The following KAZN variants were observed in gnomAD, a reference collection of about 807,000 sequenced individuals.
KAZN encodes the protein kazrin.
KAZN carries 40 observed loss-of-function variants against 87.4 expected under a neutral mutation model. The ratio of observed to expected loss-of-function variants is 0.46; its 90% CI spans 0.36 to 0.60. The LOEUF (loss-of-function observed/expected upper bound fraction) is 0.60. KAZN is among the 20% of genes least tolerant of loss of function. KAZN has a pLI of 0.00. For missense variants in KAZN, 898 were observed against 1,073.9 expected, an observed-to-expected ratio of 0.84 and a Z score of 2.29; for synonymous variants, 466 against 458.3, an observed-to-expected ratio of 1.02 and a Z score of -0.22.
intron 7 of KAZN, among the ~76,000 whole-genome samples, chr1:15,064,696 C>T (rs969124019): frequency 1.3e-5 from 2 of 152,334 alleles, no homozygotes; most frequent in Non-Finnish European, 2.9e-5. Context: ...GGGCAAGTAC[C>T]AAGCCATTGC....
intron 4 of KAZN, among the ~76,000 whole-genome samples, chr1:15,048,803 AG>A (rs1673951721): frequency 1.0e-4 from 7 of 68,416 alleles, no homozygotes; most frequent in African/African-American, 1.8e-4. Flanking sequence ...ATTGGTCCTG[AG>A]TCGTTGGTCC....
intron 2 of KAZN, among the ~76,000 whole-genome samples, chr1:14,985,245 TGGTGGGAGGCCAAGGTGGGAGGCCAA>T (rs67978474): frequency 0.023 from 3,237 of 142,432 alleles, 47 homozygotes; most frequent in East Asian, 0.044. Context: ...CCCAGAACTT[TGGTGGGAGGCCAAGGTGGGAGGCCAA>T]GGTGGGAGGC....
At chr1:14,868,748 G>A (rs1651809935) in intron 1 of KAZN, among the ~76,000 whole-genome samples, 1 of 151,910 alleles carries the variant, frequency 6.6e-6, no homozygotes, top group Non-Finnish European at 1.5e-5. Context: ...GGAGGCTGGG[G>A]TGGGGGGATC....
In KAZN at chr1:14,287,687, A is replaced by G. The variant is rs1302354133; in HGVS notation, c.249+107095A>G. ...TACCCTTTATTTCTTTCTCTTGCTG[A>G]TTGCCCTGGCCAGAACTTCCAACAC... On this transcript the variant is annotated intron_variant, in intron 2 of 16. Coordinates refer to the KAZN transcript ENST00000636203. 2.6e-5 allele frequency among the ~76,000 whole-genome samples: 4 copies of G among 152,230 alleles called. No individual in the cohort carries two copies. The East Asian group carries it at 7.7e-4, about 29-fold the overall frequency.
At chr1:14,610,331 C>T (rs933007809) in intron 1 of KAZN, among the ~76,000 whole-genome samples, 1 of 152,160 alleles carries the variant, frequency 6.6e-6, no homozygotes, top group African/African-American at 2.4e-5. Context: ...CCTCAGCCTC[C>T]CGAGTAGCTG....
intron 2 of KAZN, among the ~76,000 whole-genome samples, chr1:14,404,093 A>G (rs1167648436): frequency 6.6e-6 from 1 of 152,172 alleles, no homozygotes; most frequent in Non-Finnish European, 1.5e-5. Context: ...GGTTATGACT[A>G]GGTGTGCCGT....
chr1:14,024,935 CAA>C (rs776220771), intron 1 of KAZN, among the ~76,000 whole-genome samples: 12 of 152,152 alleles, frequency 7.9e-5, no homozygotes, highest in Non-Finnish European at 1.5e-4. Flanking sequence ...GCCAAGAATC[CAA>C]AGAGGCAGGA....
At chr1:14,450,045 C>G (rs1053708089) in intron 2 of KAZN, among the ~76,000 whole-genome samples, 1 of 152,040 alleles carries the variant, frequency 6.6e-6, no homozygotes, top group Admixed American at 6.6e-5. Flanking sequence ...ATTTGCTCAC[C>G]CTGTGCAAAT....
chr1:14,501,166 T>G (rs995858043), intron 2 of KAZN, among the ~76,000 whole-genome samples: 1 of 151,752 alleles, frequency 6.6e-6, no homozygotes, highest in African/African-American at 2.4e-5. Flanking sequence ...ACATGATACT[T>G]AATGGTGAAA....
At chr1:14,280,004 A>C (rs1485875940) in intron 2 of KAZN, among the ~76,000 whole-genome samples, 1 of 152,100 alleles carries the variant, frequency 6.6e-6, no homozygotes, top group East Asian at 1.9e-4. Context: ...TCAAAATCCT[A>C]ACCTACAGTG....
chr1:15,002,344 C>T (rs1668573724), intron 2 of KAZN, among the ~76,000 whole-genome samples: 1 of 152,188 alleles, frequency 6.6e-6, no homozygotes, highest in African/African-American at 2.4e-5. Flanking sequence ...GGGGGTACAG[C>T]CTGCTGACGC....
chr1:14,857,862 T>C (rs1035505710), intron 1 of KAZN, among the ~76,000 whole-genome samples: 1 of 152,110 alleles, frequency 6.6e-6, no homozygotes, highest in African/African-American at 2.4e-5. Flanking sequence ...AATTCACCCA[T>C]TTAAAGAGTA....
intron 1 of KAZN, among the ~76,000 whole-genome samples, chr1:14,605,243 C>T (rs1270201360): frequency 6.6e-6 from 1 of 152,146 alleles, no homozygotes; most frequent in African/African-American, 2.4e-5. Flanking sequence ...GGTTTCATTG[C>T]TTTGGTCAAA....
At chr1:14,135,458 C>G (rs1159263451) in intron 1 of KAZN, among the ~76,000 whole-genome samples, 1 of 152,172 alleles carries the variant, frequency 6.6e-6, no homozygotes, top group Non-Finnish European at 1.5e-5. Context: ...TAAAAATTAG[C>G]CTGCTGTCTG....
chr1:14,675,596 A>G (rs1640170231), intron 1 of KAZN, among the ~76,000 whole-genome samples: 1 of 151,898 alleles, frequency 6.6e-6, no homozygotes, highest in Admixed American at 6.6e-5. Context: ...TCATTTCTTT[A>G]TTATGTCCTG....
chr1:14,942,240 T>C (rs1330418024), intron 1 of KAZN, among the ~76,000 whole-genome samples: 1 of 152,236 alleles, frequency 6.6e-6, no homozygotes, highest in East Asian at 1.9e-4. Flanking sequence ...TTGTCCCCTG[T>C]CCTCCTCAAG....
rs528496465 is a variant in KAZN, at chr1:14,768,065, A to T, written c.226+168842A>T. Reference sequence around the variant, plus strand: ...CGCGTATGTCGCCGTCGAGATTTACATATTTCTTAATGACCAGAAAGCAAC... The same window carrying T: ...CGCGTATGTCGCCGTCGAGATTTACTTATTTCTTAATGACCAGAAAGCAAC... On this transcript the variant is annotated intron_variant, in intron 1 of 14. Coordinates refer to ENST00000376030, the MANE Select transcript of KAZN (RefSeq NM_201628.3). Among the ~76,000 whole-genome samples, 102 of 152,320 alleles carry T rather than the reference A, an allele frequency of 6.7e-4. 1 individual carries two copies. Among genetic ancestry groups the T allele is most frequent in the Non-Finnish European group, 1.1e-3 (74 of 68,040 alleles).
chr1:14,329,666 A>C (rs980496345), intron 2 of KAZN, among the ~76,000 whole-genome samples: 5 of 152,132 alleles, frequency 3.3e-5, no homozygotes, highest in African/African-American at 9.7e-5. Context: ...CAAAAACAAT[A>C]ACCAGACAGA....
In KAZN at chr1:14,166,012, A is replaced by G. The variant is rs189451980; in HGVS notation, c.92-14423A>G. 2.0e-3 allele frequency among the ~76,000 whole-genome samples: 310 copies of G among 152,248 alleles called. 2 individuals are homozygous for G. Among genetic ancestry groups the G allele is most frequent in the African/African-American group, 7.0e-3 (290 of 41,550 alleles). On this transcript the variant is annotated intron_variant, in intron 1 of 16. Transcript: ENST00000636203. ...ATATGCGTAAGGCCGGAAAGGGGCC[A>G]CTCGGTATCTCAAAAGTAAATTAAA...
Sources: allele counts gnomAD v4.1 joint callset (sites outside exome capture counted in the v4.1 genomes callset), GRCh38; gene constraint gnomAD v4.1.1; transcripts MANE v1.5; gene names NCBI Gene and HGNC (gene_info 2026-07-23, HGNC 2026-07-21).